C12orf42: variants seen among roughly 807,000 people sequenced by gnomAD.
C12orf42 encodes uncharacterized protein C12orf42.
In C12orf42, 25 loss-of-function variants were observed where a neutral mutation model predicts 21.6. The observed-to-expected ratio is 1.16, with a 90% CI of 0.84 to 1.62. C12orf42 has a LOEUF of 1.62. Ranked by LOEUF, C12orf42 falls within the 40% of genes most tolerant of loss-of-function variation. The pLI is 0.00. For missense variants in C12orf42, 483 were observed against 459.3 expected (o/e 1.05, Z -0.47); for synonymous variants, 174 against 175.0 (o/e 0.99, Z 0.05).
At chr12:103,554,539 T>C in the C12orf42 span, among the ~76,000 whole-genome samples, 17 of 151,638 alleles carry the variant, frequency 1.1e-4, no homozygotes, top group Admixed American at 1.3e-4. Flanking sequence ...GTTTTCACAC[T>C]GCTATAAAGA....
intron 1 of C12orf42, among the ~76,000 whole-genome samples, chr12:103,481,396 C>A (rs938605304): frequency 2.6e-5 from 4 of 151,818 alleles, no homozygotes; most frequent in African/African-American, 9.7e-5. Flanking sequence ...CTTAAATGAT[C>A]AAGAGTCTGT....
At chr12:103,263,073 G>A (rs1021525495) in intron 10 of C12orf42, among the ~76,000 whole-genome samples, 1 of 152,064 alleles carries the variant, frequency 6.6e-6, no homozygotes, top group African/African-American at 2.4e-5. Flanking sequence ...AATACCGCAT[G>A]TTCTCACTCA....
chr12:103,222,467 T>C, the C12orf42 span, among the ~76,000 whole-genome samples: 1 of 152,176 alleles, frequency 6.6e-6, no homozygotes, highest in African/African-American at 2.4e-5. Flanking sequence ...GCAGGGCATA[T>C]TCACTTCTTT....
At position 103,377,668 on chromosome 12, in the gene C12orf42, G is replaced by A. The variant is rs192792825; in HGVS notation, c.148-8670C>T. ...AATCTTTGGCCCAACTCTGCAGGGT[G>A]AGCCAAGAGGAAATAGAACTCTGCA... On this transcript the variant is annotated intron_variant, in intron 3 of 5. Transcript: ENST00000548883. Among the ~76,000 whole-genome samples, 504 of 152,248 alleles carry A rather than the reference G, an allele frequency of 3.3e-3. 3 individuals are homozygous for A. Among genetic ancestry groups the A allele is most frequent in the African/African-American group, 0.011 (476 of 41,530 alleles).
rs142620772 is a variant in C12orf42 at position 103,455,426 on chromosome 12, T to C, written c.78+22923A>G. Among the ~76,000 whole-genome samples the C allele has an allele frequency of 6.0e-4, 91 of 152,290 alleles. 1 individual carries two copies. Among genetic ancestry groups the C allele is most frequent in the Middle Eastern group, 3.4e-3 (1 of 294 alleles). On this transcript the variant is annotated intron_variant, in intron 2 of 5. Coordinates refer to ENST00000548883, the MANE Select transcript of C12orf42 (RefSeq NM_198521.5). ...AACACTCTCCAAGTTTTAATGGGGC[T>C]GAAAAACGTGGTCCAAAGCAATGTT... is the stretch of plus-strand genomic sequence containing the variant.
the C12orf42 span, among the ~76,000 whole-genome samples, chr12:103,164,165 T>C: frequency 6.6e-6 from 1 of 152,226 alleles, no homozygotes; most frequent in Non-Finnish European, 1.5e-5. Flanking sequence ...CACTAATGTA[T>C]GGTACTGACC....
the C12orf42 span, among the ~76,000 whole-genome samples, chr12:103,121,266 A>G: frequency 6.6e-6 from 1 of 152,216 alleles, no homozygotes; most frequent in African/African-American, 2.4e-5. Flanking sequence ...TTAAAAATAA[A>G]AGCTTAATTC....
At chr12:103,138,397 C>T in the C12orf42 span, among the ~76,000 whole-genome samples, 14,604 of 152,112 alleles carry the variant, frequency 0.096, 1,214 homozygotes, top group East Asian at 0.47. Context: ...TGTAGCTCTT[C>T]TCCCTTTGCT....
the C12orf42 span, among the ~76,000 whole-genome samples, chr12:103,519,406 A>G: frequency 1.3e-5 from 2 of 152,096 alleles, no homozygotes; most frequent in African/African-American, 4.8e-5. Context: ...TACTAAGCAG[A>G]CAGTAATTTA....
At position 103,322,116 on chromosome 12, in the gene C12orf42, C is replaced by CAT. The variant is rs2040216772; in HGVS notation, c.260-15772_260-15771insAT. On this transcript the variant is annotated intron_variant, in intron 4 of 5. Coordinates refer to ENST00000548883, the MANE Select transcript of C12orf42 (RefSeq NM_198521.5). The stretch of plus-strand genomic sequence containing the variant: ...TCAGATGTGCACGCGCGTGCGTGCG[C>CAT]GCGCGCGCGCACACACACACACACA... Among the ~76,000 whole-genome samples, 6 of 96,790 alleles carry CAT rather than the reference C, an allele frequency of 6.2e-5. No individual in the cohort carries two copies. In the South Asian group the frequency reaches 2.2e-3, roughly 36 times the overall value. The allele number at this position is 96,790 out of a possible 152,430, so 63.5% of individuals were successfully genotyped here.
chr12:103,244,313 A>G (rs2033907491), intron 10 of C12orf42, among the ~76,000 whole-genome samples: 1 of 152,020 alleles, frequency 6.6e-6, no homozygotes, highest in South Asian at 2.1e-4. Context: ...AACTGCTCCA[A>G]ACACCCACAC....
chr12:103,163,596 T>C, the C12orf42 span, among the ~76,000 whole-genome samples: 1 of 152,154 alleles, frequency 6.6e-6, no homozygotes, highest in Non-Finnish European at 1.5e-5. Context: ...CCATCACCAA[T>C]TAATTAAAAA....
the C12orf42 span, among the ~76,000 whole-genome samples, chr12:103,196,007 T>A: frequency 6.6e-6 from 1 of 152,178 alleles, no homozygotes; most frequent in Admixed American, 6.5e-5. Flanking sequence ...TGCACATAGC[T>A]AGCCAATTAT....
chr12:103,526,769 C>A, the C12orf42 span, among the ~76,000 whole-genome samples: 2 of 152,164 alleles, frequency 1.3e-5, no homozygotes, highest in African/African-American at 4.8e-5. Context: ...AGAAAAAGAG[C>A]CCTCAGCAAG....
chr12:103,377,987 G>A (rs78942569), intron 3 of C12orf42, among the ~76,000 whole-genome samples: 42 of 152,224 alleles, frequency 2.8e-4, no homozygotes, highest in South Asian at 1.2e-3. Context: ...AAAGCAGGGC[G>A]TTTCAATCTT....
the C12orf42 span, among the ~76,000 whole-genome samples, chr12:103,096,929 A>G: frequency 1.3e-5 from 2 of 152,144 alleles, no homozygotes; most frequent in Non-Finnish European, 2.9e-5. Flanking sequence ...CCTTGTGTCT[A>G]TATGGTGTTT....
At chr12:103,144,602 T>C in the C12orf42 span, among the ~76,000 whole-genome samples, 1 of 152,332 alleles carries the variant, frequency 6.6e-6, no homozygotes, top group East Asian at 1.9e-4. Flanking sequence ...CCAAAATGGA[T>C]TTATTATACT....
chr12:103,210,796 A>C, the C12orf42 span, among the ~76,000 whole-genome samples: 2 of 151,970 alleles, frequency 1.3e-5, no homozygotes, highest in Non-Finnish European at 2.9e-5. Context: ...AAGAAAACAC[A>C]ATCTCAATAT....
intron 10 of C12orf42, among the ~76,000 whole-genome samples, chr12:103,261,167 C>T (rs975257226): frequency 1.3e-5 from 2 of 151,862 alleles, no homozygotes; most frequent in African/African-American, 4.8e-5. Context: ...TATAAATTTC[C>T]CCCATCAAAA....
Sources: allele counts gnomAD v4.1 joint callset (sites outside exome capture counted in the v4.1 genomes callset), GRCh38; gene constraint gnomAD v4.1.1; transcripts MANE v1.5; gene names NCBI Gene and HGNC (gene_info 2026-07-23, HGNC 2026-07-21).